EXTL3: variants seen among roughly 807,000 people sequenced by gnomAD.
EXTL3 encodes exostosin like glycosyltransferase 3, also known as exostosin-like 3.
Under a neutral mutation model 69.3 loss-of-function variants are expected in EXTL3, and 27 were observed. The observed-to-expected ratio is 0.39, with a 90% CI of 0.29 to 0.54. The LOEUF (loss-of-function observed/expected upper bound fraction) is 0.54. EXTL3 is among the 20% of genes least tolerant of loss of function. The probability of loss-of-function intolerance (pLI) is 0.69; values close to 1 mark genes in which losing one functional copy is unlikely to be tolerated. For synonymous variants in EXTL3, 511 were observed against 499.4 expected, an observed-to-expected ratio of 1.02 and a Z score of -0.31; for missense variants, 1,003 against 1,231.8, an observed-to-expected ratio of 0.81 and a Z score of 2.78.
At chr8:28,713,335 TA>T (rs1429706129) in intron 1 of EXTL3, 121 bp from the exon 2 acceptor site, 1 of 585,400 alleles carries the variant, frequency 1.7e-6, no homozygotes, top group Non-Finnish European at 3.0e-6. Flanking sequence ...CTCATGTACA[TA>T]AGAGAAATCT....
intron 1 of EXTL3, among the ~76,000 whole-genome samples, chr8:28,639,567 C>T (rs1028384293): frequency 6.6e-6 from 1 of 152,158 alleles, no homozygotes; most frequent in Non-Finnish European, 1.5e-5. Context: ...CCTGCCCCTG[C>T]CTGCCTACCT....
chr8:28,740,706 A>G (rs1585294739), intron 5 of EXTL3: 2 of 152,190 alleles, frequency 1.3e-5, no homozygotes, highest in African/African-American at 4.8e-5. Context: ...GTGCCTGTCA[A>G]TAACACTTTT....
chr8:28,641,789 G>A (rs1806746621), intron 1 of EXTL3, among the ~76,000 whole-genome samples: 1 of 151,900 alleles, frequency 6.6e-6, no homozygotes, highest in South Asian at 2.1e-4. Flanking sequence ...ATGGCGCCTG[G>A]CCATAACTTT....
chr8:28,649,733 G>A (rs1806887029), intron 1 of EXTL3, among the ~76,000 whole-genome samples: 1 of 151,756 alleles, frequency 6.6e-6, no homozygotes, highest in African/African-American at 2.4e-5. Flanking sequence ...AATGTAGTCA[G>A]CCATTTCACA....
chr8:28,713,641 T>C, intron 2 of EXTL3, 91 bp downstream of exon 2: 1 of 679,820 alleles, frequency 1.5e-6, no homozygotes, highest in South Asian at 1.6e-5. Context: ...AATTTGGTCA[T>C]AAGTGCAAAG....
Position 28,681,890 on chromosome 8 carries a change from C to G in EXTL3, c.-52-31567C>G, listed in dbSNP as rs1169378725. ...CCAACATGGAGAAACCCTGTCTCTA[C>G]TAAAAATACAAAATTAGCCAGGCGT... On this transcript the variant is annotated intron_variant, in intron 1 of 6. Coordinates refer to the EXTL3 transcript ENST00000523149. Among the ~76,000 whole-genome samples, 3 of 152,108 alleles carry G rather than the reference C, an allele frequency of 2.0e-5. No homozygotes were observed. In the East Asian group the frequency reaches 5.8e-4, roughly 29 times the overall value.
At chr8:28,626,573 G>A (rs1218641158) in intron 1 of EXTL3, among the ~76,000 whole-genome samples, 1 of 152,110 alleles carries the variant, frequency 6.6e-6, no homozygotes, top group Non-Finnish European at 1.5e-5. Context: ...CTTTTTGTAG[G>A]GTAGATTAAT....
chr8:28,712,791 AT>A (rs899150926), intron 1 of EXTL3, among the ~76,000 whole-genome samples: 3 of 152,222 alleles, frequency 2.0e-5, no homozygotes, highest in African/African-American at 7.2e-5. Context: ...CTGTGAGAAC[AT>A]TTGTTTCTGC....
intron 4 of EXTL3, among the ~76,000 whole-genome samples, chr8:28,733,416 A>G (rs1325500915): frequency 6.6e-6 from 1 of 151,938 alleles, no homozygotes; most frequent in Non-Finnish European, 1.5e-5. Flanking sequence ...ACACACACAC[A>G]CAGATGGGGT....
chr8:28,617,784 A>T (rs990064712), upstream of EXTL3, among the ~76,000 whole-genome samples: 5 of 152,222 alleles, frequency 3.3e-5, no homozygotes, highest in African/African-American at 1.2e-4. Context: ...TGTCCTCAAA[A>T]CCAAAACCAA....
In EXTL3 at chr8:28,680,157, C is replaced by T. The variant is rs1807458190; in HGVS notation, c.-52-33300C>T. 2.0e-5 allele frequency among the ~76,000 whole-genome samples: 3 copies of T among 151,832 alleles called. No individual in the cohort carries two copies. The South Asian group carries it at 6.2e-4, about 32-fold the overall frequency. On this transcript the variant is annotated intron_variant, in intron 1 of 6. Coordinates refer to the EXTL3 transcript ENST00000523149. ...CTATAATCCCAGCACTTTGGGAGGC[C>T]AAGGCGGGCAGATCACCTGAGGTCA... is the stretch of plus-strand genomic sequence containing the variant.
At chr8:28,713,960 G>A (rs1801086375) in intron 2 of EXTL3, among the ~76,000 whole-genome samples, 2 of 139,048 alleles carry the variant, frequency 1.4e-5, no homozygotes, top group African/African-American at 5.5e-5. Context: ...GGGCTGGAGT[G>A]CAATGGTGCG....
chr8:28,696,576 T>C (rs192245827), upstream of EXTL3: 3 of 152,170 alleles, frequency 2.0e-5, no homozygotes, highest in African/African-American at 2.4e-5. Context: ...TTTTTTTTTT[T>C]CGAGATGGAA....
Position 28,733,560 on chromosome 8 carries a change from A to AT in EXTL3, c.2276+2227dup, listed in dbSNP as rs1171341000. Among the ~76,000 whole-genome samples, 677 of 129,928 alleles carry AT rather than the reference A, an allele frequency of 5.2e-3. 4 individuals are homozygous for AT. The highest frequency in any genetic ancestry group is 6.3e-3 in the Admixed American group (81 of 12,784). The allele number at this position is 129,928 out of a possible 152,430, so 85.2% of individuals were successfully genotyped here. On this transcript the variant is annotated intron_variant, in intron 4 of 6. Transcript: ENST00000220562. ...ATTACCACACCTGGCTAATCTTTAC[A>AT]TTTTTTTTTTTTTTTTTGTACAGAT...
upstream of EXTL3, among the ~76,000 whole-genome samples, chr8:28,619,433 T>C (rs1806377548): frequency 6.6e-6 from 1 of 151,966 alleles, no homozygotes; most frequent in South Asian, 2.1e-4. Flanking sequence ...TGCCTCTCTT[T>C]TGCGCTCCGA....
upstream of EXTL3, chr8:28,700,012 G>C (rs1029337105): frequency 2.1e-4 from 31 of 151,172 alleles, no homozygotes; most frequent in African/African-American, 7.3e-4. Flanking sequence ...TGCTGTGGCC[G>C]CGTACCTTTG....
intron 2 of EXTL3, among the ~76,000 whole-genome samples, chr8:28,612,485 GAAAAAAAGAAAAAT>G (rs1168144859): frequency 1.3e-5 from 2 of 149,668 alleles, no homozygotes; most frequent in African/African-American, 2.5e-5. Context: ...AAAGAAAAAA[GAAAAAAAGAAAAAT>G]AAAAAACAAA....
chr8:28,612,600 A>T (rs1806286073), intron 2 of EXTL3, among the ~76,000 whole-genome samples: 1 of 152,242 alleles, frequency 6.6e-6, no homozygotes, highest in Admixed American at 6.5e-5. Context: ...TTTTATAAAA[A>T]GCCCCAGGGT....
rs575307270 is a variant in EXTL3 at position 28,679,331 on chromosome 8, A to T, written c.-52-34126A>T. ...TGTGGTGGCGCGTGCCTGTAGTCCCAGCTACTCGGGAGGCTAAGGCGGGAG... is the reference window on the plus strand; with the variant it reads ...TGTGGTGGCGCGTGCCTGTAGTCCCTGCTACTCGGGAGGCTAAGGCGGGAG... On this transcript the variant is annotated intron_variant, in intron 1 of 6. Coordinates refer to the EXTL3 transcript ENST00000523149. Among the ~76,000 whole-genome samples, 71 of 152,298 alleles carry T rather than the reference A, an allele frequency of 4.7e-4. 1 individual carries two copies. Among genetic ancestry groups the T allele is most frequent in the African/African-American group, 1.7e-3 (69 of 41,564 alleles).
Sources: gnomAD v4.1 joint callset for allele counts (sites outside exome capture counted in the v4.1 genomes callset) on GRCh38, gnomAD v4.1.1 for gene constraint, MANE v1.5 for transcripts, NCBI Gene and HGNC (gene_info 2026-07-23, HGNC 2026-07-21) for gene names.